The following PIP5K1B variants were observed in gnomAD, a reference collection of about 807,000 sequenced individuals.
The protein encoded by PIP5K1B is phosphatidylinositol-4-phosphate 5-kinase type 1 beta, also known as phosphatidylinositol 4-phosphate 5-kinase type-1 beta.
PIP5K1B carries 42 observed loss-of-function variants against 67.0 expected under a neutral mutation model. That is an observed-to-expected ratio of 0.63 (90% CI 0.49 to 0.81). The LOEUF is 0.81. Ranked by LOEUF, PIP5K1B falls within the 30% of genes least tolerant of loss-of-function variation. PIP5K1B has a pLI of 0.00. For synonymous variants in PIP5K1B, 214 were observed against 231.4 expected, an observed-to-expected ratio of 0.92 and a Z score of 0.68; for missense variants, 459 against 646.3, an observed-to-expected ratio of 0.71 and a Z score of 3.14.
chr9:68,888,649 T>A (rs1824609038), intron 6 of PIP5K1B, among the ~76,000 whole-genome samples: 3 of 152,236 alleles, frequency 2.0e-5, no homozygotes, highest in African/African-American at 7.2e-5. Flanking sequence ...TGTTATTTTA[T>A]GGACATTTGC....
intron 8 of PIP5K1B, among the ~76,000 whole-genome samples, chr9:68,911,657 G>A (rs895885199): frequency 6.6e-6 from 1 of 152,140 alleles, no homozygotes; most frequent in East Asian, 1.9e-4. Context: ...TTAGGAGGCC[G>A]AGGTGGTTGG....
chr9:68,966,370 A>G (rs1302722857), intron 14 of PIP5K1B: 2 of 152,214 alleles, frequency 1.3e-5, no homozygotes, highest in Admixed American at 6.5e-5. Flanking sequence ...CCTGGTAAAC[A>G]CTACCTCAGC....
chr9:68,814,175 C>G (rs1587491908), intron 2 of PIP5K1B, among the ~76,000 whole-genome samples: 2 of 152,278 alleles, frequency 1.3e-5, no homozygotes, highest in East Asian at 3.9e-4. Flanking sequence ...AGGCAGTCTT[C>G]CCTTCTTACA....
chr9:68,734,654 C>G lies in PIP5K1B; in HGVS notation c.-242-7847C>G, dbSNP rs188844765. Among the ~76,000 whole-genome samples, 433 of 152,292 alleles carry G rather than the reference C, an allele frequency of 2.8e-3. 2 individuals carry two copies. The highest frequency in any genetic ancestry group is 1.0e-2 in the African/African-American group (414 of 41,560). On this transcript the variant is annotated intron_variant, in intron 1 of 15. Transcript: ENST00000265382. ...TCCCATGACATTTTGCTCAAATGGT[C>G]TTGAAACTCACAAGGATAAGAATGT...
At chr9:68,867,905 C>A (rs1255812945) in intron 5 of PIP5K1B, among the ~76,000 whole-genome samples, 1 of 152,178 alleles carries the variant, frequency 6.6e-6, no homozygotes, top group African/African-American at 2.4e-5. Flanking sequence ...TTACTGCTTT[C>A]TGAAGTTGCA....
chr9:68,912,302 T>TC (rs926289895), intron 8 of PIP5K1B, among the ~76,000 whole-genome samples: 1 of 152,182 alleles, frequency 6.6e-6, no homozygotes, highest in Non-Finnish European at 1.5e-5. Context: ...CATTTTTTTT[T>TC]CCAACAAAAG....
chr9:68,950,404 C>T (rs969178320), intron 14 of PIP5K1B, among the ~76,000 whole-genome samples: 7 of 152,220 alleles, frequency 4.6e-5, no homozygotes, highest in African/African-American at 1.7e-4. Flanking sequence ...TTTCGTCTCA[C>T]CCTAGAGAGC....
intron 2 of PIP5K1B, chr9:68,783,203 A>G (rs1269609953): frequency 1.2e-5 from 2 of 167,074 alleles, no homozygotes; most frequent in Non-Finnish European, 1.5e-5. Flanking sequence ...AGCCTCAGAT[A>G]GAAGGACCTT....
chr9:68,901,374 T>C (rs1267036829), intron 8 of PIP5K1B, among the ~76,000 whole-genome samples: 1 of 152,232 alleles, frequency 6.6e-6, no homozygotes, highest in Non-Finnish European at 1.5e-5. Flanking sequence ...TTCTCCTGCC[T>C]CAGCCTTCCA....
At chr9:68,981,355 A>C (rs931062634) in intron 14 of PIP5K1B, among the ~76,000 whole-genome samples, 1 of 152,148 alleles carries the variant, frequency 6.6e-6, no homozygotes, top group African/African-American at 2.4e-5. Flanking sequence ...GAATCAATGG[A>C]TGCTACCTTA....
chr9:69,005,720 A>G (rs1831047676), intron 15 of PIP5K1B, among the ~76,000 whole-genome samples: 1 of 151,938 alleles, frequency 6.6e-6, no homozygotes, highest in African/African-American at 2.4e-5. Flanking sequence ...TTGAAACAGA[A>G]CTTCATAGTC....
At chr9:68,819,980 A>G (rs894220368) in intron 3 of PIP5K1B, among the ~76,000 whole-genome samples, 4 of 152,196 alleles carry the variant, frequency 2.6e-5, no homozygotes, top group Non-Finnish European at 5.9e-5. Context: ...CAAGTCAGGG[A>G]TGATTCACAA....
intron 15 of PIP5K1B, among the ~76,000 whole-genome samples, chr9:69,004,892 C>T (rs1057457815): frequency 3.3e-5 from 5 of 152,176 alleles, no homozygotes; most frequent in Admixed American, 2.0e-4. Context: ...AGCAAGAAGA[C>T]GCTGTGCTTT....
At chr9:68,797,652 A>G (rs533649005) in intron 2 of PIP5K1B, among the ~76,000 whole-genome samples, 1 of 152,276 alleles carries the variant, frequency 6.6e-6, no homozygotes, top group East Asian at 1.9e-4. Flanking sequence ...ATGACATACT[A>G]TTTTCCTGTC....
At chr9:68,848,836 A>G (rs1822329269) in intron 4 of PIP5K1B, among the ~76,000 whole-genome samples, 1 of 152,262 alleles carries the variant, frequency 6.6e-6, no homozygotes, top group Admixed American at 6.5e-5. Flanking sequence ...TAACCATAAA[A>G]AAATGAAAAT....
chr9:68,738,882 A>C (rs969555435), intron 1 of PIP5K1B, among the ~76,000 whole-genome samples: 1 of 152,232 alleles, frequency 6.6e-6, no homozygotes, highest in African/African-American at 2.4e-5. Flanking sequence ...CTTTGATCTC[A>C]GGAAGGCCAA....
chr9:68,914,434 G>A (rs1041374074), intron 8 of PIP5K1B, among the ~76,000 whole-genome samples: 1 of 152,188 alleles, frequency 6.6e-6, no homozygotes, highest in African/African-American at 2.4e-5. Flanking sequence ...GAAAATTCCT[G>A]GCCAGGCACA....
chr9:68,780,036 C>T (rs1831150096), intron 2 of PIP5K1B: 6 of 1,280,404 alleles, frequency 4.7e-6, no homozygotes, highest in East Asian at 2.7e-5. Flanking sequence ...CGAAGGGCTA[C>T]GCATGCGCAG....
At chr9:68,947,753 A>G (rs753753247) in intron 14 of PIP5K1B, among the ~76,000 whole-genome samples, 5 of 152,242 alleles carry the variant, frequency 3.3e-5, no homozygotes, top group Non-Finnish European at 7.3e-5. Context: ...TGATCTGTGC[A>G]ATTAGAGACT....
Sources: allele counts gnomAD v4.1 joint callset (sites outside exome capture counted in the v4.1 genomes callset), GRCh38; gene constraint gnomAD v4.1.1; transcripts MANE v1.5; gene names NCBI Gene and HGNC (gene_info 2026-07-23, HGNC 2026-07-21).